Variants in TMTC1 observed in about 807,000 individuals in gnomAD.
TMTC1 encodes the protein transmembrane O-mannosyltransferase targeting cadherins 1, also known as protein O-mannosyl-transferase TMTC1.
In TMTC1, 73 loss-of-function variants were observed where a neutral mutation model predicts 104.8. The ratio of observed to expected loss-of-function variants is 0.70; its 90% confidence interval spans 0.58 to 0.85. The LOEUF (loss-of-function observed/expected upper bound fraction) is 0.85, where lower values mean the gene tolerates loss of function less well. Among genes scored for constraint, TMTC1 ranks in the 40% least tolerant of loss-of-function variants. The pLI is 0.00. For missense variants in TMTC1, 1,035 were observed against 1,096.1 expected (o/e 0.94, Z 0.79); for synonymous variants, 434 against 428.7 (o/e 1.01, Z -0.15).
chr12:29,685,706 A>G (rs61922256), intron 5 of TMTC1, among the ~76,000 whole-genome samples: 5,199 of 152,232 alleles, frequency 0.034, 131 homozygotes, highest in Non-Finnish European at 0.054. Flanking sequence ...AATGAGTACA[A>G]TTACTTACTG....
At chr12:29,753,800 C>T (rs1943149120) in intron 4 of TMTC1, among the ~76,000 whole-genome samples, 1 of 152,166 alleles carries the variant, frequency 6.6e-6, no homozygotes, top group Non-Finnish European at 1.5e-5. Flanking sequence ...AACGGGTGGA[C>T]AAAAGCATGA....
chr12:29,586,481 G>C lies in TMTC1; in HGVS notation c.1251-2907C>G, dbSNP rs574045784. Among the ~76,000 whole-genome samples the C allele has an allele frequency of 8.0e-3, 1,215 of 152,262 alleles. 6 individuals carry two copies. The highest frequency in any genetic ancestry group is 0.011 in the Non-Finnish European group (766 of 68,032). ...GAACTTCCAACACTATGTTGAATAG[G>C]AGTGGTGAGAGAGGACATCCCTGTC... On this transcript the variant is annotated intron_variant, in intron 7 of 17. Coordinates refer to ENST00000539277, the MANE Select transcript of TMTC1 (RefSeq NM_001193451.2).
intron 17 of TMTC1, 54 bp from the exon 18 acceptor site, chr12:29,507,040 C>G (rs1006541808): frequency 1.8e-5 from 28 of 1,513,928 alleles, no homozygotes; most frequent in Non-Finnish European, 2.5e-5. Context: ...AAAACTCTCT[C>G]AGAGAATGAA....
At chr12:29,514,647 T>C (rs1281997747) in intron 15 of TMTC1, 43 bp from the exon 16 acceptor site, 2 of 1,578,092 alleles carry the variant, frequency 1.3e-6, no homozygotes, top group Admixed American at 2.0e-5. Context: ...GCAGATTAGG[T>C]AAAGAAAAAC....
intron 1 of TMTC1, among the ~76,000 whole-genome samples, chr12:29,770,162 T>G (rs1943563941): frequency 1.3e-5 from 2 of 152,096 alleles, no homozygotes. Flanking sequence ...AAAAAAGGCT[T>G]ATTTTTGCAA....
At chr12:29,644,826 C>T (rs1939194977) in intron 5 of TMTC1, among the ~76,000 whole-genome samples, 1 of 152,172 alleles carries the variant, frequency 6.6e-6, no homozygotes, top group Non-Finnish European at 1.5e-5. Context: ...GACCGCAGCA[C>T]CTGACTAGCT....
chr12:29,518,255 C>G (rs1474121907), intron 13 of TMTC1, among the ~76,000 whole-genome samples: 1 of 152,150 alleles, frequency 6.6e-6, no homozygotes, highest in Non-Finnish European at 1.5e-5. Context: ...AAATTTCAAC[C>G]TTGGTTCAGC....
At chr12:29,603,507 C>T (rs768756745) in intron 7 of TMTC1, among the ~76,000 whole-genome samples, 3 of 152,030 alleles carry the variant, frequency 2.0e-5, no homozygotes, top group Non-Finnish European at 2.9e-5. Context: ...TGTTCAAGGT[C>T]AGTCAACCAA....
intron 9 of TMTC1, among the ~76,000 whole-genome samples, chr12:29,571,859 G>A (rs116402930): frequency 0.027 from 4,068 of 152,256 alleles, 199 homozygotes; most frequent in African/African-American, 0.093. Context: ...ATCGTGTAAT[G>A]TATAGCAATG....
chr12:29,686,392 T>C (rs1941095083), intron 5 of TMTC1, among the ~76,000 whole-genome samples: 1 of 152,350 alleles, frequency 6.6e-6, no homozygotes, highest in African/African-American at 2.4e-5. Flanking sequence ...ACCCAAAGGA[T>C]AGTGTGCTGG....
intron 5 of TMTC1, among the ~76,000 whole-genome samples, chr12:29,684,245 G>A (rs1941020000): frequency 6.6e-6 from 1 of 152,122 alleles, no homozygotes; most frequent in Non-Finnish European, 1.5e-5. Flanking sequence ...GTTAAAACCT[G>A]GAATTTCCAG....
chr12:29,706,184 A>G (rs1477487877), intron 5 of TMTC1, among the ~76,000 whole-genome samples: 2 of 152,168 alleles, frequency 1.3e-5, no homozygotes, highest in African/African-American at 2.4e-5. Context: ...CAAGGCTACC[A>G]AGTTCAGACA....
intron 5 of TMTC1, among the ~76,000 whole-genome samples, chr12:29,718,185 G>T (rs1942136737): frequency 6.6e-6 from 1 of 152,198 alleles, no homozygotes. Context: ...ACTGGAGAGT[G>T]ATCAAAAGCA....
chr12:29,732,595 C>T (rs977330563), intron 5 of TMTC1, among the ~76,000 whole-genome samples: 2 of 152,200 alleles, frequency 1.3e-5, no homozygotes, highest in Non-Finnish European at 2.9e-5. Context: ...AATAACAGCA[C>T]TGATCTCAAA....
At chr12:29,664,337 T>C (rs996847482) in intron 5 of TMTC1, among the ~76,000 whole-genome samples, 1 of 152,166 alleles carries the variant, frequency 6.6e-6, no homozygotes, top group Non-Finnish European at 1.5e-5. Context: ...CTATTTCTAG[T>C]TGTTGACCAA....
chr12:29,775,611 C>T (rs115612851), intron 1 of TMTC1, among the ~76,000 whole-genome samples: 4,153 of 152,256 alleles, frequency 0.027, 193 homozygotes, highest in African/African-American at 0.094. Flanking sequence ...CCTCCTAGCA[C>T]ATCAAGGTAT....
intron 5 of TMTC1, among the ~76,000 whole-genome samples, chr12:29,677,938 C>T (rs1161033208): frequency 6.6e-6 from 1 of 152,188 alleles, no homozygotes; most frequent in Admixed American, 6.5e-5. Flanking sequence ...AACTTCATCA[C>T]AGGTATGTAT....
intron 17 of TMTC1, among the ~76,000 whole-genome samples, chr12:29,511,270 T>C (rs547910255): frequency 6.6e-6 from 1 of 152,182 alleles, no homozygotes; most frequent in East Asian, 1.9e-4. Context: ...TCCTCCTCCT[T>C]GTATTAATAT....
At chr12:29,761,998 C>T (rs767723742) in intron 2 of TMTC1, among the ~76,000 whole-genome samples, 4 of 151,960 alleles carry the variant, frequency 2.6e-5, no homozygotes, top group Non-Finnish European at 5.9e-5. Context: ...CCAGCCTGGG[C>T]AACAAGGAGA....
Sources: allele counts gnomAD v4.1 joint callset (sites outside exome capture counted in the v4.1 genomes callset), GRCh38; gene constraint gnomAD v4.1.1; transcripts MANE v1.5; gene names NCBI Gene and HGNC (gene_info 2026-07-23, HGNC 2026-07-21).